SLC24A2: variants seen among roughly 807,000 people sequenced by gnomAD.
SLC24A2 encodes sodium/potassium/calcium exchanger 2.
SLC24A2 carries 36 observed loss-of-function variants against 62.0 expected under a neutral mutation model. The observed-to-expected ratio is 0.58, with a 90% CI of 0.44 to 0.77. The LOEUF (loss-of-function observed/expected upper bound fraction) is 0.77. Ranked by LOEUF, SLC24A2 falls within the 30% of genes least tolerant of loss-of-function variation. The pLI, the probability that SLC24A2 is intolerant of heterozygous loss-of-function variation, is 0.00. For missense variants in SLC24A2, 846 were observed against 817.9 expected, an observed-to-expected ratio of 1.03 and a Z score of -0.42; for synonymous variants, 358 against 294.0, an observed-to-expected ratio of 1.22 and a Z score of -2.23.
At chr9:20,239,757 G>C in the SLC24A2 span, among the ~76,000 whole-genome samples, 2 of 152,166 alleles carry the variant, frequency 1.3e-5, no homozygotes, top group African/African-American at 2.4e-5. Context: ...TAATATTTGT[G>C]AGAAAACTAT....
the SLC24A2 span, among the ~76,000 whole-genome samples, chr9:19,807,688 CTCT>C: frequency 2.6e-5 from 4 of 152,180 alleles, no homozygotes; most frequent in South Asian, 6.2e-4. Context: ...CTTTCTCCAC[CTCT>C]TCTTCTACAT....
intron 2 of SLC24A2, among the ~76,000 whole-genome samples, chr9:19,765,121 G>A (rs1010289692): frequency 6.6e-6 from 1 of 151,692 alleles, no homozygotes. Context: ...TGCAACTCCT[G>A]CTTTTTTTTT....
chr9:19,583,316 C>A lies in SLC24A2; in HGVS notation c.1130-6294G>T, dbSNP rs113064893. Among the ~76,000 whole-genome samples the A allele has an allele frequency of 9.4e-3, 1,432 of 152,320 alleles. 9 individuals are homozygous for A. The highest frequency in any genetic ancestry group is 0.014 in the Non-Finnish European group (984 of 68,032). ...TCCACAGAGCTTGTTCAAATGTCACCTCATTGAGGCTTGTCTGAGCAGCCT... is the reference window on the plus strand; with the variant it reads ...TCCACAGAGCTTGTTCAAATGTCACATCATTGAGGCTTGTCTGAGCAGCCT... On this transcript the variant is annotated intron_variant, in intron 5 of 10. Transcript: ENST00000341998.
At chr9:19,792,148 A>G (rs1159932595), upstream of SLC24A2, among the ~76,000 whole-genome samples, 3 of 152,180 alleles carry the variant, frequency 2.0e-5, no homozygotes, top group African/African-American at 7.2e-5. Context: ...GGCTGGCATG[A>G]TTTAAAATAG....
chr9:20,258,613 T>C, the SLC24A2 span, among the ~76,000 whole-genome samples: 29 of 152,222 alleles, frequency 1.9e-4, no homozygotes, highest in Non-Finnish European at 3.8e-4. Context: ...CAGCAGCCCA[T>C]GGGCCTTTCA....
the SLC24A2 span, among the ~76,000 whole-genome samples, chr9:19,947,805 AAAAAAAGAAAGAAAGAAAG>A: frequency 6.8e-5 from 4 of 59,206 alleles, no homozygotes; most frequent in Admixed American, 3.5e-4. Flanking sequence ...AAAAAAAAAA[AAAAAAAGAAAGAAAGAAAG>A]AAAGAAAGAA....
chr9:20,297,883 T>C, the SLC24A2 span, among the ~76,000 whole-genome samples: 1 of 152,104 alleles, frequency 6.6e-6, no homozygotes, highest in African/African-American at 2.4e-5. Flanking sequence ...CTTTGGCAAA[T>C]GCCTAGACTC....
the SLC24A2 span, among the ~76,000 whole-genome samples, chr9:20,089,263 AGGTCCC>A: frequency 1.3e-5 from 2 of 152,030 alleles, no homozygotes; most frequent in African/African-American, 4.8e-5. Flanking sequence ...TTCTCCATAC[AGGTCCC>A]GGTCCCGGTC....
chr9:19,884,648 T>G, the SLC24A2 span, among the ~76,000 whole-genome samples: 1 of 152,208 alleles, frequency 6.6e-6, no homozygotes, highest in Non-Finnish European at 1.5e-5. Context: ...TATGATTTTT[T>G]CAAATTTATA....
the SLC24A2 span, among the ~76,000 whole-genome samples, chr9:19,810,386 A>G: frequency 6.6e-6 from 1 of 152,244 alleles, no homozygotes; most frequent in East Asian, 1.9e-4. Flanking sequence ...TTTAGAGACT[A>G]GTCTTTTTAA....
the SLC24A2 span, among the ~76,000 whole-genome samples, chr9:20,089,236 G>T: frequency 2.0e-5 from 3 of 152,114 alleles, no homozygotes; most frequent in African/African-American, 7.2e-5. Flanking sequence ...CCACCTCATG[G>T]AAAAGTTACC....
the SLC24A2 span, among the ~76,000 whole-genome samples, chr9:20,045,054 A>G: frequency 6.6e-6 from 1 of 152,160 alleles, no homozygotes; most frequent in African/African-American, 2.4e-5. Flanking sequence ...TGCTCAGTAT[A>G]TTTTTGTTGT....
intron 9 of SLC24A2, among the ~76,000 whole-genome samples, chr9:19,523,316 C>T (rs1415818162): frequency 6.6e-5 from 10 of 152,172 alleles, no homozygotes; most frequent in South Asian, 2.1e-4. Flanking sequence ...GCAAGTTAGA[C>T]AACTTCCCTG....
At chr9:20,047,037 C>A in the SLC24A2 span, among the ~76,000 whole-genome samples, 1 of 152,106 alleles carries the variant, frequency 6.6e-6, no homozygotes, top group African/African-American at 2.4e-5. Flanking sequence ...ATATAACTAT[C>A]TAGCTCTTTG....
the SLC24A2 span, among the ~76,000 whole-genome samples, chr9:20,189,521 G>A: frequency 5.9e-5 from 9 of 152,138 alleles, no homozygotes; most frequent in Non-Finnish European, 8.8e-5. Context: ...GAAAGTGTGG[G>A]GAGTGGGCAA....
chr9:19,545,001 G>C (rs1834479340), intron 8 of SLC24A2, among the ~76,000 whole-genome samples: 1 of 152,096 alleles, frequency 6.6e-6, no homozygotes, highest in South Asian at 2.1e-4. Flanking sequence ...ACTTCTCCTG[G>C]ATGATATCCC....
At chr9:19,531,486 C>T (rs1042750135) in intron 8 of SLC24A2, among the ~76,000 whole-genome samples, 2 of 152,114 alleles carry the variant, frequency 1.3e-5, no homozygotes, top group Non-Finnish European at 2.9e-5. Context: ...CATTTTGTGC[C>T]CATGTTGTGG....
intron 5 of SLC24A2, 63 bp from the exon 6 acceptor site, chr9:19,577,085 GCAGGTATGTGGCCTCCT>G: frequency 1.5e-6 from 2 of 1,313,208 alleles, no homozygotes; most frequent in Non-Finnish European, 2.2e-6. Flanking sequence ...TCAGGGCCAA[GCAGGTATGTGGCCTCCT>G]CAGTCACGCT....
At chr9:19,611,848 A>T (rs956077999) in intron 4 of SLC24A2, among the ~76,000 whole-genome samples, 1 of 152,198 alleles carries the variant, frequency 6.6e-6, no homozygotes, top group South Asian at 2.1e-4. Context: ...ATGGAGTTAC[A>T]TAATGTGGTC....
Sources: allele counts gnomAD v4.1 joint callset (sites outside exome capture counted in the v4.1 genomes callset), GRCh38; gene constraint gnomAD v4.1.1; transcripts MANE v1.5; gene names NCBI Gene and HGNC (gene_info 2026-07-23, HGNC 2026-07-21).